BAZ2B: variants seen among roughly 807,000 people sequenced by gnomAD.
BAZ2B encodes the protein bromodomain adjacent to zinc finger domain protein 2B.
Under a neutral mutation model 246.0 loss-of-function variants are expected in BAZ2B, and 91 were observed. That is an observed-to-expected ratio of 0.37 (90% CI 0.31 to 0.44). BAZ2B has a LOEUF of 0.44. Ranked by LOEUF, BAZ2B falls within the 20% of genes least tolerant of loss-of-function variation. The pLI is 1.00. For missense variants in BAZ2B, 2,332 were observed against 2,533.7 expected (o/e 0.92, Z 1.71); for synonymous variants, 855 against 860.0 (o/e 0.99, Z 0.10).
At chr2:159,655,843 T>C in the BAZ2B span, among the ~76,000 whole-genome samples, 1 of 152,208 alleles carries the variant, frequency 6.6e-6, no homozygotes, top group Admixed American at 6.6e-5. Context: ...TCCCCCTTTA[T>C]GTTGAGTCAC....
chr2:159,395,746 T>C lies in BAZ2B; in HGVS notation c.3075+23A>G, dbSNP rs755480618. ...AAAAGCATTACTTTATAAGGTAATA[T>C]TTTTCTAGAAACATACACTTACTTC... On this transcript the variant is annotated intron_variant, in intron 20 of 36. Transcript: ENST00000392783. The C allele has an allele frequency of 1.1e-5, 18 of 1,575,244 alleles. No individual in the cohort carries two copies. The Admixed American group carries it at 1.2e-4, about 11-fold the overall frequency.
chr2:159,698,568 A>T, the BAZ2B span, among the ~76,000 whole-genome samples: 1 of 151,424 alleles, frequency 6.6e-6, no homozygotes, highest in African/African-American at 2.4e-5. Context: ...AGCCCTTTCT[A>T]GTAAGTACTA....
the BAZ2B span, among the ~76,000 whole-genome samples, chr2:159,683,552 T>TA: frequency 6.6e-6 from 1 of 152,202 alleles, no homozygotes; most frequent in Non-Finnish European, 1.5e-5. Flanking sequence ...GTTGCTGCTA[T>TA]AAAAAATTGC....
intron 2 of BAZ2B, among the ~76,000 whole-genome samples, chr2:159,510,854 T>C (rs1270035270): frequency 1.3e-5 from 2 of 152,176 alleles, no homozygotes; most frequent in Non-Finnish European, 2.9e-5. Flanking sequence ...ACTCATAATA[T>C]TTTACTTACA....
At chr2:159,678,706 G>T in the BAZ2B span, among the ~76,000 whole-genome samples, 2 of 152,104 alleles carry the variant, frequency 1.3e-5, no homozygotes, top group Non-Finnish European at 2.9e-5. Context: ...TGATGGTGGG[G>T]GAGGCAAATA....
chr2:159,410,633 T>C (rs923915409), intron 14 of BAZ2B, among the ~76,000 whole-genome samples: 14 of 152,174 alleles, frequency 9.2e-5, no homozygotes, highest in African/African-American at 3.4e-4. Context: ...CAGTCTCGGG[T>C]CATAACTTTA....
intron 1 of BAZ2B, among the ~76,000 whole-genome samples, chr2:159,597,216 T>C (rs1376012652): frequency 6.6e-6 from 1 of 152,250 alleles, no homozygotes; most frequent in Non-Finnish European, 1.5e-5. Context: ...TCTACTCATG[T>C]CCTTAGCCCA....
At chr2:159,643,876 CAAAAAAA>C in the BAZ2B span, among the ~76,000 whole-genome samples, 2 of 65,888 alleles carry the variant, frequency 3.0e-5, no homozygotes, top group Non-Finnish European at 5.7e-5. Flanking sequence ...AACTCCATCA[CAAAAAAA>C]AAAAAAAAAA....
the BAZ2B span, among the ~76,000 whole-genome samples, chr2:159,651,481 A>G: frequency 1.2e-3 from 177 of 152,296 alleles, no homozygotes; most frequent in African/African-American, 4.1e-3. Context: ...GCAGTAGTGT[A>G]GGTTTTCATT....
At chr2:159,436,987 C>A (rs984039083) in intron 8 of BAZ2B, among the ~76,000 whole-genome samples, 7 of 152,062 alleles carry the variant, frequency 4.6e-5, no homozygotes, top group Admixed American at 3.3e-4. Flanking sequence ...AAGGTAGTAC[C>A]TTTTAGAGTT....
At position 159,373,039 on chromosome 2, in the gene BAZ2B, T is replaced by C; in HGVS notation, c.4213+6A>G. On this transcript the variant is annotated splice_donor_region_variant and intron_variant, in intron 27 of 36. Transcript: ENST00000392783. The stretch of plus-strand genomic sequence containing the variant: ...TAACAATTTGTATCGGATTATGAGT[T>C]CTAACCTTCACCACTCTCCATGCCT... 6.2e-7 allele frequency: 1 copy of C among 1,611,150 alleles called. No individual in the cohort carries two copies. The highest frequency in any genetic ancestry group is 1.1e-5 in the South Asian group (1 of 90,302).
At chr2:159,539,352 G>C (rs1483462380) in intron 2 of BAZ2B, among the ~76,000 whole-genome samples, 3 of 152,198 alleles carry the variant, frequency 2.0e-5, no homozygotes, top group African/African-American at 4.8e-5. Context: ...TCAAGATAAT[G>C]GAAGTTTCTT....
chr2:159,471,723 G>T (rs766154810), intron 3 of BAZ2B, among the ~76,000 whole-genome samples: 10 of 152,120 alleles, frequency 6.6e-5, no homozygotes, highest in African/African-American at 1.4e-4. Flanking sequence ...CAGAAGAAAT[G>T]AAGTACTGAA....
chr2:159,567,068 C>A (rs2151537008), intron 1 of BAZ2B, among the ~76,000 whole-genome samples: 1 of 152,164 alleles, frequency 6.6e-6, no homozygotes, highest in South Asian at 2.1e-4. Context: ...CATGATGAGA[C>A]CTTGTTTCTA....
chr2:159,600,501 A>C (rs974992537), intron 1 of BAZ2B, among the ~76,000 whole-genome samples: 3 of 152,216 alleles, frequency 2.0e-5, no homozygotes, highest in African/African-American at 7.2e-5. Flanking sequence ...AATTCTTCTG[A>C]GGGGGATTTT....
chr2:159,599,619 A>G (rs1691597393), intron 1 of BAZ2B, among the ~76,000 whole-genome samples: 1 of 126,034 alleles, frequency 7.9e-6, no homozygotes, highest in Non-Finnish European at 1.8e-5. Context: ...ACTCTGTCTC[A>G]AAAAAAAAAA....
chr2:159,663,094 C>T, the BAZ2B span, among the ~76,000 whole-genome samples: 1 of 151,852 alleles, frequency 6.6e-6, no homozygotes, highest in Non-Finnish European at 1.5e-5. Flanking sequence ...ATATTTCTCC[C>T]ATTCTGTTGG....
chr2:159,377,705 C>T (rs547196215), intron 25 of BAZ2B, among the ~76,000 whole-genome samples: 48 of 150,354 alleles, frequency 3.2e-4, no homozygotes, highest in South Asian at 6.3e-4. Context: ...CCCAGCTACT[C>T]GGGAGGCTGA....
intron 1 of BAZ2B, among the ~76,000 whole-genome samples, chr2:159,604,717 T>G (rs779020794): frequency 3.3e-5 from 5 of 152,128 alleles, no homozygotes; most frequent in Non-Finnish European, 7.3e-5. Flanking sequence ...CAATATCACA[T>G]GAAAATATGG....
Sources: allele counts gnomAD v4.1 joint callset (sites outside exome capture counted in the v4.1 genomes callset), GRCh38; gene constraint gnomAD v4.1.1; transcripts MANE v1.5; gene names NCBI Gene and HGNC (gene_info 2026-07-23, HGNC 2026-07-21).